NSUN3: variants seen among roughly 807,000 people sequenced by gnomAD.
NSUN3 encodes the protein tRNA (cytosine(34)-C(5))-methyltransferase, mitochondrial.
In NSUN3, 24 loss-of-function variants were observed where a neutral mutation model predicts 36.8. That is an observed-to-expected ratio of 0.65 (90% CI 0.47 to 0.92). The LOEUF is 0.92. Ranked by LOEUF, NSUN3 falls within the 40% of genes least tolerant of loss-of-function variation. NSUN3 has a pLI of 0.00. For missense variants in NSUN3, 381 were observed against 392.8 expected (o/e 0.97, Z 0.25); for synonymous variants, 146 against 145.2 (o/e 1.01, Z -0.04).
intron 2 of NSUN3, chr3:94,081,788 G>A (rs934453724): frequency 6.6e-6 from 1 of 152,146 alleles, no homozygotes; most frequent in African/African-American, 2.4e-5. Context: ...GATCAGGATT[G>A]GAAAAATTGA....
chr3:94,063,532 T>C (rs1576077482), intron 1 of NSUN3: 1 of 217,516 alleles, frequency 4.6e-6, no homozygotes, highest in Non-Finnish European at 9.1e-6. Context: ...CTAAATTAAC[T>C]TTTCACTTTA....
At chr3:94,076,013 C>A (rs1473975345) in intron 2 of NSUN3, 87 of 1,608,064 alleles carry the variant, frequency 5.4e-5, no homozygotes, top group Non-Finnish European at 7.2e-5. Context: ...TGATACAGAA[C>A]AAATCACCCA....
intron 2 of NSUN3, among the ~76,000 whole-genome samples, chr3:94,073,904 G>A (rs1560029779): frequency 6.6e-6 from 1 of 152,088 alleles, no homozygotes; most frequent in African/African-American, 2.4e-5. Flanking sequence ...TATTGCCTAG[G>A]TTTTCTTCTA....
intron 5 of NSUN3, among the ~76,000 whole-genome samples, chr3:94,102,589 C>A (rs897780931): frequency 2.6e-5 from 4 of 151,908 alleles, no homozygotes; most frequent in African/African-American, 7.2e-5. Context: ...CATCTTGTTT[C>A]TTTTTTCTTT....
At chr3:94,091,272 A>G (rs546739369) in intron 3 of NSUN3, among the ~76,000 whole-genome samples, 1 of 152,342 alleles carries the variant, frequency 6.6e-6, no homozygotes, top group South Asian at 2.1e-4. Flanking sequence ...TCAAAGGAAT[A>G]TAAAAGATGA....
At chr3:94,074,188 G>A (rs555953754) in intron 2 of NSUN3, among the ~76,000 whole-genome samples, 9 of 152,284 alleles carry the variant, frequency 5.9e-5, no homozygotes, top group Admixed American at 2.6e-4. Context: ...GTTCCATGCC[G>A]TTTTGGTTAC....
chr3:94,102,078 G>A (rs2077368080), intron 5 of NSUN3, among the ~76,000 whole-genome samples: 1 of 151,718 alleles, frequency 6.6e-6, no homozygotes, highest in South Asian at 2.1e-4. Context: ...TCCAATTTGT[G>A]AGCTCATTGA....
At chr3:94,123,077 C>G (rs935285240) in intron 5 of NSUN3, among the ~76,000 whole-genome samples, 3 of 152,158 alleles carry the variant, frequency 2.0e-5, no homozygotes, top group African/African-American at 7.2e-5. Flanking sequence ...CCCTTTCCCT[C>G]CCAATTATGT....
At chr3:94,118,920 A>G (rs1466376505) in intron 5 of NSUN3, among the ~76,000 whole-genome samples, 1 of 152,170 alleles carries the variant, frequency 6.6e-6, no homozygotes, top group Non-Finnish European at 1.5e-5. Context: ...GTTAAGACCT[A>G]TTAAGCAATA....
At chr3:94,097,322 A>C (rs2077346156) in intron 5 of NSUN3, among the ~76,000 whole-genome samples, 1 of 152,066 alleles carries the variant, frequency 6.6e-6, no homozygotes, top group Non-Finnish European at 1.5e-5. Context: ...ACATTTTAAA[A>C]TAACTTTTAT....
intron 2 of NSUN3, among the ~76,000 whole-genome samples, chr3:94,064,771 C>T (rs1000070825): frequency 1.3e-5 from 2 of 152,122 alleles, no homozygotes; most frequent in Non-Finnish European, 1.5e-5. Flanking sequence ...CAAATTGTTA[C>T]GCCTTTGCTT....
chr3:94,123,317 T>G (rs1560042819), intron 5 of NSUN3, among the ~76,000 whole-genome samples: 1 of 152,236 alleles, frequency 6.6e-6, no homozygotes, highest in African/African-American at 2.4e-5. Flanking sequence ...TTTCCTCATT[T>G]TACTAGAATT....
intron 5 of NSUN3, among the ~76,000 whole-genome samples, chr3:94,125,733 C>T (rs2077482683): frequency 6.6e-6 from 1 of 152,144 alleles, no homozygotes; most frequent in Non-Finnish European, 1.5e-5. Context: ...TTATCATTTT[C>T]CAAGTCTTCA....
intron 5 of NSUN3, among the ~76,000 whole-genome samples, chr3:94,116,985 CTTTTTTTTT>C (rs60234250): frequency 3.1e-5 from 2 of 63,960 alleles, no homozygotes; most frequent in African/African-American, 1.3e-4. Context: ...TCTGCCACAA[CTTTTTTTTT>C]TTTTTTTTTT....
rs12634682 is a variant in NSUN3 at position 94,122,258 on chromosome 3, G to T, written c.744-3953G>T. On this transcript the variant is annotated intron_variant, in intron 5 of 5. Transcript: ENST00000314622. ...TAATTTGTATTACAGAAATAAATCAGATGGGTAAAAAATTAAACTACAAAT... is the reference window on the plus strand; with the variant it reads ...TAATTTGTATTACAGAAATAAATCATATGGGTAAAAAATTAAACTACAAAT... 2.6e-4 allele frequency among the ~76,000 whole-genome samples: 39 copies of T among 150,488 alleles called. No homozygotes were observed. The East Asian group carries it at 6.7e-3, about 26-fold the overall frequency.
chr3:94,121,711 C>G (rs1246837980), intron 5 of NSUN3, among the ~76,000 whole-genome samples: 1 of 152,108 alleles, frequency 6.6e-6, no homozygotes, highest in East Asian at 1.9e-4. Flanking sequence ...GTGGTAGGAA[C>G]CCCCAAAATA....
chr3:94,079,023 C>T (rs1390969110), intron 2 of NSUN3, among the ~76,000 whole-genome samples: 5 of 152,130 alleles, frequency 3.3e-5, no homozygotes, highest in South Asian at 2.1e-4. Flanking sequence ...TTCATAGTGT[C>T]GATGGTCTTT....
chr3:94,111,968 T>TTATAC (rs2077419701), intron 5 of NSUN3, among the ~76,000 whole-genome samples: 3 of 152,164 alleles, frequency 2.0e-5, no homozygotes, highest in African/African-American at 7.2e-5. Context: ...TTTAAGGAAC[T>TTATAC]GGCTTATACA....
In NSUN3 at chr3:94,102,893, T is replaced by C. The variant is rs141428139; in HGVS notation, c.743+7739T>C. ...TTTTTAAAATTTATTTATTTATTTA[T>C]TTATTTATTTTGAGAGAGAGTCTCA... On this transcript the variant is annotated intron_variant, in intron 5 of 5. Transcript: ENST00000314622. Among the ~76,000 whole-genome samples the C allele has an allele frequency of 6.4e-3, 968 of 152,188 alleles. 14 individuals carry two copies. Among genetic ancestry groups the C allele is most frequent in the African/African-American group, 0.022 (914 of 41,538 alleles).
Sources: allele counts gnomAD v4.1 joint callset (sites outside exome capture counted in the v4.1 genomes callset), GRCh38; gene constraint gnomAD v4.1.1; transcripts MANE v1.5; gene names NCBI Gene and HGNC (gene_info 2026-07-23, HGNC 2026-07-21).